The following ARHGAP12 variants were observed in gnomAD, a reference collection of about 807,000 sequenced individuals.
ARHGAP12 encodes the protein Rho GTPase activating protein 12, also known as rho GTPase-activating protein 12.
In ARHGAP12, 64 loss-of-function variants were observed where a neutral mutation model predicts 108.6. The observed-to-expected ratio is 0.59, with a 90% confidence interval of 0.48 to 0.73. ARHGAP12 has a LOEUF of 0.73. Ranked by LOEUF, ARHGAP12 falls within the 30% of genes least tolerant of loss-of-function variation. The pLI, the probability that ARHGAP12 is intolerant of heterozygous loss-of-function variation, is 0.00. For synonymous variants in ARHGAP12, 312 were observed against 337.2 expected (o/e 0.93, Z 0.82); for missense variants, 940 against 1,005.9 (o/e 0.93, Z 0.89).
chr10:31,841,445 G>T (rs150271856), intron 7 of ARHGAP12, among the ~76,000 whole-genome samples: 1 of 152,122 alleles, frequency 6.6e-6, no homozygotes, highest in Non-Finnish European at 1.5e-5. Flanking sequence ...TTGAAATTTT[G>T]ATCTTTTCCT....
chr10:31,864,290 T>C (rs1837240504), intron 3 of ARHGAP12, among the ~76,000 whole-genome samples: 1 of 151,976 alleles, frequency 6.6e-6, no homozygotes, highest in South Asian at 2.1e-4. Flanking sequence ...TTAGAAAATA[T>C]AACAACCAAA....
chr10:31,879,705 T>TA lies in ARHGAP12; in HGVS notation c.685-18048dup, dbSNP rs984870514. Among the ~76,000 whole-genome samples, 22 of 152,096 alleles carry TA rather than the reference T, an allele frequency of 1.4e-4. No individual in the cohort carries two copies. The East Asian group carries it at 1.7e-3, about 12-fold the overall frequency. On this transcript the variant is annotated intron_variant, in intron 3 of 19. Coordinates refer to ENST00000344936, the MANE Select transcript of ARHGAP12 (RefSeq NM_018287.7). ...TGGCTCACACTTGGCTCTAGTATTTTAAAAAAAAGACAATACTATATAGTC... is the reference window on the plus strand; with the variant it reads ...TGGCTCACACTTGGCTCTAGTATTTTAAAAAAAAAGACAATACTATATAGTC...
At chr10:31,844,120 AG>A (rs1337710199) in intron 6 of ARHGAP12, among the ~76,000 whole-genome samples, 1 of 152,192 alleles carries the variant, frequency 6.6e-6, no homozygotes, top group Non-Finnish European at 1.5e-5. Context: ...AAACCTTTCT[AG>A]GCTATGTGAG....
chr10:31,846,430 T>G (rs927288470), intron 6 of ARHGAP12, among the ~76,000 whole-genome samples: 1 of 152,238 alleles, frequency 6.6e-6, no homozygotes, highest in African/African-American at 2.4e-5. Flanking sequence ...TTAGTTTAGT[T>G]TCATTCTGAA....
chr10:31,927,466 T>C (rs968357968), intron 1 of ARHGAP12, among the ~76,000 whole-genome samples: 1 of 152,148 alleles, frequency 6.6e-6, no homozygotes, highest in Admixed American at 6.5e-5. Flanking sequence ...AGAAGTCGGG[T>C]GGCAGAACCT....
chr10:31,837,548 C>T (rs1302265211), intron 9 of ARHGAP12, among the ~76,000 whole-genome samples: 2 of 152,118 alleles, frequency 1.3e-5, no homozygotes, highest in African/African-American at 4.8e-5. Flanking sequence ...GTTAGTCTGA[C>T]AAAGCTTTCT....
chr10:31,907,527 G>T (rs985893015), intron 3 of ARHGAP12, among the ~76,000 whole-genome samples: 2 of 151,688 alleles, frequency 1.3e-5, no homozygotes, highest in African/African-American at 4.8e-5. Context: ...CCAGCTACTG[G>T]GGAAGCTGAG....
intron 3 of ARHGAP12, among the ~76,000 whole-genome samples, chr10:31,899,037 A>G (rs1427979003): frequency 6.6e-6 from 1 of 152,220 alleles, no homozygotes; most frequent in Non-Finnish European, 1.5e-5. Flanking sequence ...CTGAACATTG[A>G]AAACATTTAG....
intron 7 of ARHGAP12, among the ~76,000 whole-genome samples, chr10:31,841,192 T>A (rs1836250859): frequency 6.6e-6 from 1 of 152,096 alleles, no homozygotes; most frequent in African/African-American, 2.4e-5. Context: ...GATATATGCA[T>A]ATAAATATAC....
At chr10:31,918,293 A>G (rs1247751816) in intron 1 of ARHGAP12, among the ~76,000 whole-genome samples, 4 of 149,126 alleles carry the variant, frequency 2.7e-5, no homozygotes, top group Non-Finnish European at 5.9e-5. Context: ...AAGATGCTGA[A>G]TATTACTGAT....
At chr10:31,915,242 C>G (rs183779797) in intron 1 of ARHGAP12, among the ~76,000 whole-genome samples, 1 of 152,178 alleles carries the variant, frequency 6.6e-6, no homozygotes, top group African/African-American at 2.4e-5. Flanking sequence ...CAAAATTAGC[C>G]AGGCGTGGTA....
intron 3 of ARHGAP12, among the ~76,000 whole-genome samples, chr10:31,866,898 C>T (rs760694438): frequency 1.3e-5 from 2 of 152,092 alleles, no homozygotes; most frequent in African/African-American, 2.4e-5. Flanking sequence ...GATTAACAGG[C>T]GTGAGCCACC....
chr10:31,873,402 G>T (rs945030023), intron 3 of ARHGAP12, among the ~76,000 whole-genome samples: 4 of 152,122 alleles, frequency 2.6e-5, no homozygotes, highest in African/African-American at 9.7e-5. Flanking sequence ...CCCAATAAAT[G>T]AATCCAGCAT....
chr10:31,911,586 C>G (rs1237118239), intron 1 of ARHGAP12, among the ~76,000 whole-genome samples: 2 of 152,118 alleles, frequency 1.3e-5, no homozygotes, highest in Non-Finnish European at 2.9e-5. Context: ...AGTGCTGGGG[C>G]TGCAGGCGCG....
chr10:31,891,265 T>C (rs1485007859), intron 3 of ARHGAP12, among the ~76,000 whole-genome samples: 1 of 152,254 alleles, frequency 6.6e-6, no homozygotes, highest in African/African-American at 2.4e-5. Flanking sequence ...TCTATGAATA[T>C]ATATGCCAAC....
chr10:31,872,168 A>G (rs188875010), intron 3 of ARHGAP12, among the ~76,000 whole-genome samples: 1 of 152,272 alleles, frequency 6.6e-6, no homozygotes, highest in East Asian at 1.9e-4. Flanking sequence ...CTGAGTGAAA[A>G]TTATTTTTAT....
At position 31,817,809 on chromosome 10, in the gene ARHGAP12, A is replaced by G. The variant is rs968191438; in HGVS notation, c.1710T>C (p.Leu570=). Reference sequence around the variant, plus strand: ...ATACCTGATTATTGATTGTACTACTAAGAACTTTAAACCAATCATTAATAA... The same window carrying G: ...ATACCTGATTATTGATTGTACTACTGAGAACTTTAAACCAATCATTAATAA... The part of the protein sequence containing the change: ...DTVINDWFKV[L]SSTINNQAVE... Residue 570 remains leucine (L), a synonymous_variant, in exon 13 of 20, where the codon CTT becomes CTC. Transcript: ENST00000344936. 1 of 1,610,050 alleles carries G rather than the reference A, an allele frequency of 6.2e-7. No homozygotes were observed. The highest frequency in any genetic ancestry group is 1.3e-5 in the African/African-American group (1 of 74,660).
In ARHGAP12 at chr10:31,807,642, T is replaced by A; in HGVS notation, c.*16A>T. The A allele has an allele frequency of 6.3e-7, 1 of 1,584,116 alleles. No homozygotes were observed. Among genetic ancestry groups the A allele is most frequent in the Non-Finnish European group, 8.6e-7 (1 of 1,169,274 alleles). ...TGGAATCCAGCTTCTATTCCACAGG[T>A]TGTCTTCAGTAAGAATCAACGTCCG... On this transcript the variant is annotated 3_prime_UTR_variant, in exon 20 of 20. Coordinates refer to ENST00000344936, the MANE Select transcript of ARHGAP12 (RefSeq NM_018287.7).
At chr10:31,927,816 A>C (rs1256642168) in intron 1 of ARHGAP12, among the ~76,000 whole-genome samples, 1 of 152,180 alleles carries the variant, frequency 6.6e-6, no homozygotes. Flanking sequence ...TTTCTTCTCA[A>C]AGGGTCTGCA....
Sources: gnomAD v4.1 joint callset for allele counts (sites outside exome capture counted in the v4.1 genomes callset) on GRCh38, gnomAD v4.1.1 for gene constraint, MANE v1.5 for transcripts, NCBI Gene and HGNC (gene_info 2026-07-23, HGNC 2026-07-21) for gene names.